The following INTS7 variants were observed in gnomAD, a reference collection of about 807,000 sequenced individuals.
INTS7 encodes the protein integrator complex subunit 7.
In INTS7, 46 loss-of-function variants were observed where a neutral mutation model predicts 109.2. The observed-to-expected ratio is 0.42, with a 90% CI of 0.33 to 0.54. The LOEUF (loss-of-function observed/expected upper bound fraction) is 0.54. Among genes scored for constraint, INTS7 ranks in the 20% least tolerant of loss-of-function variants. INTS7 has a pLI of 0.07. For missense variants in INTS7, 929 were observed against 1,132.4 expected, an observed-to-expected ratio of 0.82 and a Z score of 2.58; for synonymous variants, 412 against 402.9, an observed-to-expected ratio of 1.02 and a Z score of -0.27.
intron 1 of INTS7, among the ~76,000 whole-genome samples, chr1:212,022,906 C>T (rs1333205209): frequency 6.6e-6 from 1 of 152,164 alleles, no homozygotes; most frequent in Non-Finnish European, 1.5e-5. Flanking sequence ...CCCTCCCTTC[C>T]TCCCTACTTT....
chr1:212,034,349 A>G (rs939118350), intron 1 of INTS7, among the ~76,000 whole-genome samples: 1 of 152,212 alleles, frequency 6.6e-6, no homozygotes, highest in Non-Finnish European at 1.5e-5. Flanking sequence ...AGTTTAAAAA[A>G]TAAACAGAAA....
At chr1:212,016,823 T>C (rs1378150351) in intron 4 of INTS7, 63 bp downstream of exon 4, 5 of 1,369,904 alleles carry the variant, frequency 3.6e-6, no homozygotes, top group Non-Finnish European at 5.0e-6. Context: ...TGATCAGTTT[T>C]TCCTTCAAAA....
intron 13 of INTS7, among the ~76,000 whole-genome samples, chr1:211,972,895 A>C (rs1664245191): frequency 6.6e-6 from 1 of 152,178 alleles, no homozygotes; most frequent in Admixed American, 6.5e-5. Flanking sequence ...GCCCTCACAG[A>C]CACCTTGATT....
chr1:212,019,455 C>A (rs1383797232), intron 3 of INTS7, among the ~76,000 whole-genome samples: 2 of 152,024 alleles, frequency 1.3e-5, no homozygotes, highest in African/African-American at 4.8e-5. Context: ...GATGTGACAT[C>A]CCAAACTTCC....
Position 212,031,183 on chromosome 1 carries a change from T to C in INTS7, c.94+4161A>G, listed in dbSNP as rs867935838. Among the ~76,000 whole-genome samples the C allele has an allele frequency of 1.8e-4, 28 of 152,320 alleles. No homozygotes were observed. In the Middle Eastern group the frequency reaches 0.01, roughly 56 times the overall value. On this transcript the variant is annotated intron_variant, in intron 1 of 19. Coordinates refer to ENST00000366994, the MANE Select transcript of INTS7 (RefSeq NM_015434.4). Reference sequence around the variant, plus strand: ...CATCTCATCCTTTCCAAGGTCAACATTGCAGAAGGCAGATAGGCTGAATAA... The same window carrying C: ...CATCTCATCCTTTCCAAGGTCAACACTGCAGAAGGCAGATAGGCTGAATAA...
intron 5 of INTS7, among the ~76,000 whole-genome samples, chr1:212,007,913 T>C (rs532279858): frequency 1.3e-5 from 2 of 152,286 alleles, no homozygotes; most frequent in East Asian, 3.9e-4. Context: ...CTCTGAACTT[T>C]GTGTAGTAAA....
intron 7 of INTS7, among the ~76,000 whole-genome samples, chr1:212,003,305 CAA>C (rs35903155): frequency 1.6e-3 from 102 of 61,854 alleles, no homozygotes; most frequent in Admixed American, 4.3e-3. Context: ...AATTTTAAAG[CAA>C]AAAAAAAAAA....
intron 16 of INTS7, among the ~76,000 whole-genome samples, chr1:211,964,683 C>G (rs547103371): frequency 1.3e-5 from 2 of 152,126 alleles, no homozygotes; most frequent in South Asian, 4.1e-4. Context: ...CTACAACCAT[C>G]TGATCTTTGA....
chr1:212,011,755 T>A (rs562321759), intron 4 of INTS7: 14 of 206,544 alleles, frequency 6.8e-5, no homozygotes, highest in African/African-American at 3.0e-4. Flanking sequence ...ACTCCTATAT[T>A]TCTGGAACTT....
At chr1:212,005,556 T>C (rs1470899168) in intron 7 of INTS7, among the ~76,000 whole-genome samples, 1 of 152,184 alleles carries the variant, frequency 6.6e-6, no homozygotes, top group Non-Finnish European at 1.5e-5. Context: ...TATCTCACAA[T>C]AAGAAAAAAA....
chr1:211,974,694 T>C (rs537678774), intron 13 of INTS7, among the ~76,000 whole-genome samples: 2 of 152,174 alleles, frequency 1.3e-5, no homozygotes, highest in Non-Finnish European at 2.9e-5. Flanking sequence ...ACAGAAATTG[T>C]AGCTAGCTAA....
At chr1:212,005,524 ATACT>A (rs1337580846) in intron 7 of INTS7, among the ~76,000 whole-genome samples, 2 of 152,322 alleles carry the variant, frequency 1.3e-5, no homozygotes, top group Non-Finnish European at 2.9e-5. Flanking sequence ...TATATTTTAC[ATACT>A]TTTCTGTATG....
At chr1:211,957,941 T>C (rs1312499355) in intron 16 of INTS7, among the ~76,000 whole-genome samples, 1 of 152,142 alleles carries the variant, frequency 6.6e-6, no homozygotes, top group Non-Finnish European at 1.5e-5. Context: ...TGTCAAATGA[T>C]ATACTACTAA....
At chr1:212,035,284 C>A in intron 1 of INTS7, 60 bp downstream of exon 1, 2 of 1,143,164 alleles carry the variant, frequency 1.7e-6, no homozygotes, top group South Asian at 2.5e-5. Flanking sequence ...GCAACCACCA[C>A]CTGGTGGCGC....
At chr1:212,014,646 C>T (rs1213795737) in intron 4 of INTS7, among the ~76,000 whole-genome samples, 1 of 151,190 alleles carries the variant, frequency 6.6e-6, no homozygotes, top group Admixed American at 6.6e-5. Flanking sequence ...AACCTCCCTG[C>T]CTGATTCTCC....
At chr1:212,025,040 C>T (rs1666859210) in intron 1 of INTS7, among the ~76,000 whole-genome samples, 1 of 152,214 alleles carries the variant, frequency 6.6e-6, no homozygotes, top group Non-Finnish European at 1.5e-5. Context: ...GGTTTCTGGA[C>T]TTTGTCTATC....
chr1:212,016,863 G>A lies in INTS7; in HGVS notation c.509+23C>T, dbSNP rs780011670. ...TTCTTGGGAAGCCAAATTACTAAAA[G>A]GGATGTACTTTTGTAAGCTTACTTT... On this transcript the variant is annotated intron_variant, in intron 4 of 19. Coordinates refer to ENST00000366994, the MANE Select transcript of INTS7 (RefSeq NM_015434.4). 6.3e-6 allele frequency: 10 copies of A among 1,576,130 alleles called. 1 individual carries two copies. The East Asian group carries it at 2.4e-4, about 37-fold the overall frequency.
intron 8 of INTS7, among the ~76,000 whole-genome samples, chr1:211,986,615 C>T (rs1248531799): frequency 6.6e-6 from 1 of 152,218 alleles, no homozygotes; most frequent in Non-Finnish European, 1.5e-5. Context: ...ACTTCTGTTA[C>T]AGGGTACCAG....
intron 7 of INTS7, 82 bp from the exon 8 acceptor site, chr1:211,988,085 C>T (rs570761776): frequency 1.4e-6 from 1 of 694,744 alleles, no homozygotes; most frequent in African/African-American, 1.9e-5. Flanking sequence ...CATTTTCTGG[C>T]TTTTAGAAAA....
Sources: allele counts gnomAD v4.1 joint callset (sites outside exome capture counted in the v4.1 genomes callset), GRCh38; gene constraint gnomAD v4.1.1; transcripts MANE v1.5; gene names NCBI Gene and HGNC (gene_info 2026-07-23, HGNC 2026-07-21).